The following HMCN2 variants were observed in gnomAD, a reference collection of about 807,000 sequenced individuals.
The protein encoded by HMCN2 is hemicentin 2.
In HMCN2, 325 loss-of-function variants were observed where a neutral mutation model predicts 377.5. The observed-to-expected ratio is 0.86, with a 90% CI of 0.79 to 0.94. The LOEUF is 0.94. HMCN2 is among the 40% of genes least tolerant of loss of function. The probability of loss-of-function intolerance (pLI) is 0.00; values close to 1 mark genes in which losing one functional copy is unlikely to be tolerated. For missense variants in HMCN2, 4,543 were observed against 4,725.3 expected (o/e 0.96, Z 1.13); for synonymous variants, 2,007 against 2,046.8 (o/e 0.98, Z 0.53).
chr9:130,396,836 G>C (rs978984803), intron 73 of HMCN2, among the ~76,000 whole-genome samples: 2 of 152,236 alleles, frequency 1.3e-5, no homozygotes, highest in African/African-American at 2.4e-5. Context: ...CCCTTGGAAA[G>C]GGCATTTTTC....
intron 60 of HMCN2, among the ~76,000 whole-genome samples, 189 bp from the exon 61 acceptor site, chr9:130,386,254 G>T (rs1253985301): frequency 6.6e-6 from 1 of 152,150 alleles, no homozygotes; most frequent in Non-Finnish European, 1.5e-5. Context: ...ACTGTTGAGG[G>T]GCCCTTCTGC....
At position 130,393,413 on chromosome 9, in the gene HMCN2, G is replaced by C. The variant is rs949250742; in HGVS notation, c.10234+104G>C. 31 of 692,198 alleles carry C rather than the reference G, an allele frequency of 4.5e-5. No individual in the cohort carries two copies. In the African/African-American group the frequency reaches 6.0e-4, roughly 13 times the overall value. 42.9% of individuals were successfully genotyped at this position (692,198 alleles called of 1,614,324 possible). A position where few individuals can be genotyped will look rare whatever the true frequency, so the allele number is the denominator to read the frequency against. ...TGGGTGGAACCAAGGATGGGCCCTG[G>C]GGGCGTCGAGGAGAGCGGACACTGC... On this transcript the variant is annotated intron_variant, in intron 67 of 97. Transcript: ENST00000683500. The surrounding 1 kb of genome is among the most constrained non-coding windows in gnomAD (Gnocchi z 5.2).
chr9:130,309,514 CA>C (rs143190808), intron 14 of HMCN2, among the ~76,000 whole-genome samples: 2,835 of 72,296 alleles, frequency 0.039, 16 homozygotes, highest in Non-Finnish European at 0.052. Flanking sequence ...GACTCTGTCT[CA>C]AAAAAAAAAA....
intron 18 of HMCN2, among the ~76,000 whole-genome samples, chr9:130,321,236 T>C (rs1390557304): frequency 6.6e-6 from 1 of 152,170 alleles, no homozygotes; most frequent in Non-Finnish European, 1.5e-5. Flanking sequence ...CCGGTTCTTA[T>C]GATTCCAGAG....
rs1040759211 is a variant in HMCN2, at chr9:130,424,932, A to AG, written c.13519+21dup. 3 of 1,465,106 alleles carry AG rather than the reference A, an allele frequency of 2.0e-6. No homozygotes were observed. Among genetic ancestry groups the AG allele is most frequent in the Non-Finnish European group, 2.7e-6 (3 of 1,102,018 alleles). 90.8% of individuals were successfully genotyped at this position (1,465,106 alleles called of 1,614,324 possible). ...GCTACAGGTAAACAGGGCCTCCCCC[A>AG]GGTGGGCCAGGTAGGACTAAAGCCT... On this transcript the variant is annotated intron_variant, in intron 88 of 97. Coordinates refer to ENST00000683500, the MANE Select transcript of HMCN2 (RefSeq NM_001291815.2).
intron 53 of HMCN2, among the ~76,000 whole-genome samples, chr9:130,378,831 A>G (rs1430399393): frequency 6.6e-6 from 1 of 152,120 alleles, no homozygotes; most frequent in Non-Finnish European, 1.5e-5. Context: ...GGCCCCCTCC[A>G]GGCCTTAATT....
chr9:130,301,953 T>C (rs1170726372), intron 8 of HMCN2, among the ~76,000 whole-genome samples: 1 of 152,202 alleles, frequency 6.6e-6, no homozygotes, highest in African/African-American at 2.4e-5. Flanking sequence ...AGGGGTCCCA[T>C]GGGGCTCATT....
At chr9:130,370,755 C>G (rs953106238) in intron 45 of HMCN2, among the ~76,000 whole-genome samples, 3 of 152,200 alleles carry the variant, frequency 2.0e-5, no homozygotes, top group Admixed American at 6.5e-5. Flanking sequence ...GCCCAAGGAG[C>G]CTGCCCGACT....
At position 130,394,474 on chromosome 9, in the gene HMCN2, A is replaced by AC. The variant is rs1285388324; in HGVS notation, c.10597dup (p.Gln3533ProfsTer8). The AC allele has an allele frequency of 1.6e-6, 2 of 1,289,566 alleles. No homozygotes were observed. Among genetic ancestry groups the AC allele is most frequent in the South Asian group, 1.2e-5 (1 of 80,990 alleles). The allele number at this position is 1,289,566 out of a possible 1,614,324, so 79.9% of individuals were successfully genotyped here. On this transcript the variant is annotated frameshift_variant, in exon 69 of 98. Transcript: ENST00000683500. LOFTEE classifies it high-confidence loss of function. This position sits in a 1 kb window ranked among gnomAD's most constrained non-coding sequence, Gnocchi z 5.1. Reference sequence around the variant, plus strand: ...GGAGCTCCTCTGTGATGCCCAGGGCACCCCCCAGCCCAACATCACCTGGCA... The same window carrying AC: ...GGAGCTCCTCTGTGATGCCCAGGGCACCCCCCCAGCCCAACATCACCTGGCA...
chr9:130,317,772 C>T (rs1026116852), intron 15 of HMCN2, among the ~76,000 whole-genome samples: 11 of 141,858 alleles, frequency 7.8e-5, no homozygotes, highest in East Asian at 2.3e-4. Context: ...GGCGACAGAG[C>T]GAGACTCTGT....
At chr9:130,298,613 C>T (rs1206548024) in intron 7 of HMCN2, among the ~76,000 whole-genome samples, 2 of 152,126 alleles carry the variant, frequency 1.3e-5, no homozygotes, top group African/African-American at 4.8e-5. Context: ...CCAAAGAAAA[C>T]CTGAACACGG....
Position 130,399,544 on chromosome 9 carries a change from C to T in HMCN2, c.11517C>T (p.Ala3839=), listed in dbSNP as rs1323894110. Residue 3839 remains alanine, a synonymous_variant, in exon 76 of 98, where the codon GCC becomes GCT. Coordinates refer to ENST00000683500, the MANE Select transcript of HMCN2 (RefSeq NM_001291815.2). ...CCTCCAACGCCCTGCTCCTCACGGC[C>T]CCCGGCCCCCAGGACTCAGCCCAGT... ...LLPSNALLLT[A]PGPQDSAQFE... is the part of the protein sequence containing the mutation. 1 of 1,289,528 alleles carries T rather than the reference C, an allele frequency of 7.8e-7. No homozygotes were observed. Among genetic ancestry groups the T allele is most frequent in the South Asian group, 1.2e-5 (1 of 80,986 alleles). The allele number at this position is 1,289,528 out of a possible 1,614,324, so 79.9% of individuals were successfully genotyped here.
At chr9:130,398,110 G>A (rs1360941542) in intron 74 of HMCN2, among the ~76,000 whole-genome samples, 2 of 122,966 alleles carry the variant, frequency 1.6e-5, no homozygotes, top group African/African-American at 6.6e-5. Context: ...CCATGATCAC[G>A]CCACTGCACT....
rs373090780 is a variant in HMCN2 at position 130,407,672 on chromosome 9, C to T, written c.12655C>T (p.Arg4219Cys). Residue 4219 changes from arginine to cysteine, a missense_variant, in exon 83 of 98, where the codon CGC (arginine) becomes TGC (cysteine). By Grantham distance (180) the Arg-to-Cys change is radical. This residue lies in a region of HMCN2 where 1,073 missense variants were observed against 1,319.5 expected (regional missense o/e 0.81). Transcript: ENST00000683500. Reference sequence around the variant, plus strand: ...CTGCTGGGCGGAGAACAGAGTGGGCCGCACGCAGGCGGTCAGCTTCGTCCA... The same window carrying T: ...CTGCTGGGCGGAGAACAGAGTGGGCTGCACGCAGGCGGTCAGCTTCGTCCA... ...YVCWAENRVG[R>C]TQAVSFVHVK... The T allele has an allele frequency of 6.3e-5, 80 of 1,262,036 alleles. No individual in the cohort carries two copies. In the African/African-American group the frequency reaches 9.5e-4, roughly 15 times the overall value. The allele number at this position is 1,262,036 out of a possible 1,614,324, so 78.2% of individuals were successfully genotyped here.
rs138374218 is a variant in HMCN2, at chr9:130,428,862, C to T, written c.14197+373C>T. ...GAGACCACCTCTGAATCCTTCTTGA[C>T]GCAGCAGCCCCTGCAGCCACAGTGG... On this transcript the variant is annotated intron_variant, in intron 93 of 97. Coordinates refer to ENST00000683500, the MANE Select transcript of HMCN2 (RefSeq NM_001291815.2). The surrounding 1 kb of genome is among the most constrained non-coding windows in gnomAD (Gnocchi z 5.0). 7.2e-5 allele frequency among the ~76,000 whole-genome samples: 11 copies of T among 152,312 alleles called. No homozygotes were observed. Among genetic ancestry groups the T allele is most frequent in the East Asian group, 1.9e-4 (1 of 5,188 alleles).
At chr9:130,338,053 T>G (rs966855683) in intron 23 of HMCN2, 32 bp downstream of exon 23, 1 of 152,734 alleles carries the variant, frequency 6.5e-6, no homozygotes, top group Non-Finnish European at 1.5e-5. Context: ...AGTCCCTCCC[T>G]GTCCCCCATC....
At chr9:130,374,830 A>T in intron 49 of HMCN2, 137 bp downstream of exon 49, 1 of 245,398 alleles carries the variant, frequency 4.1e-6, no homozygotes, top group Non-Finnish European at 6.5e-6. Context: ...AACAAAAATC[A>T]TATAGCGACT....
chr9:130,415,752 G>A (rs1843650318), intron 85 of HMCN2, among the ~76,000 whole-genome samples: 1 of 152,188 alleles, frequency 6.6e-6, no homozygotes, highest in Non-Finnish European at 1.5e-5. Context: ...GGGATTGTGG[G>A]GAGCCAATCC....
At chr9:130,416,973 C>A (rs373851523) in intron 85 of HMCN2, among the ~76,000 whole-genome samples, 1 of 151,744 alleles carries the variant, frequency 6.6e-6, no homozygotes, top group East Asian at 1.9e-4. Flanking sequence ...AGTGCAGTGG[C>A]GCAATCTCGG....
Sources: gnomAD v4.1 joint callset for allele counts (sites outside exome capture counted in the v4.1 genomes callset) on GRCh38, gnomAD v4.1.1 for gene constraint, gnomAD v4.1.1 regional missense constraint, Gnocchi (gnomAD v3.1) non-coding constraint, MANE v1.5 for transcripts, NCBI Gene and HGNC (gene_info 2026-07-23, HGNC 2026-07-21) for gene names.